STK32B: variants seen among roughly 807,000 people sequenced by gnomAD.
The protein encoded by STK32B is serine/threonine kinase 32B, also known as serine/threonine-protein kinase 32B.
STK32B carries 43 observed loss-of-function variants against 52.6 expected under a neutral mutation model. That is an observed-to-expected ratio of 0.82 (90% confidence interval 0.64 to 1.05). The LOEUF is 1.05. Among genes scored for constraint, STK32B ranks in the 50% least tolerant of loss-of-function variants. The pLI is 0.00. For synonymous variants in STK32B, 238 were observed against 204.3 expected (o/e 1.17, Z -1.41); for missense variants, 621 against 534.6 (o/e 1.16, Z -1.59).
At chr4:5,422,508 T>C (rs941871820) in intron 6 of STK32B, among the ~76,000 whole-genome samples, 5 of 152,090 alleles carry the variant, frequency 3.3e-5, no homozygotes, top group Admixed American at 3.3e-4. Flanking sequence ...CAGATGGAAT[T>C]TGCAATTGGA....
At chr4:5,122,369 T>TTCACTCACTTATTCATTCAC (rs1553828475) in intron 1 of STK32B, among the ~76,000 whole-genome samples, 2 of 47,538 alleles carry the variant, frequency 4.2e-5, no homozygotes, top group Non-Finnish European at 8.1e-5. Flanking sequence ...TGTTCACTCA[T>TTCACTCACTTATTCATTCAC]TCACTCATTC....
At chr4:5,283,117 A>G (rs1393790886) in intron 3 of STK32B, among the ~76,000 whole-genome samples, 3 of 152,078 alleles carry the variant, frequency 2.0e-5, no homozygotes, top group African/African-American at 7.2e-5. Flanking sequence ...ACCACTCTGT[A>G]CTTCTATAAA....
At chr4:5,495,168 T>C (rs1449389505) in intron 11 of STK32B, among the ~76,000 whole-genome samples, 1 of 152,196 alleles carries the variant, frequency 6.6e-6, no homozygotes, top group Non-Finnish European at 1.5e-5. Flanking sequence ...TCCTGCAGAG[T>C]GTTTTCCAAC....
chr4:5,334,818 G>A (rs1361490940), intron 4 of STK32B, among the ~76,000 whole-genome samples: 1 of 151,912 alleles, frequency 6.6e-6, no homozygotes. Flanking sequence ...TGCATCCTGG[G>A]GATGAAGCCC....
intron 11 of STK32B, among the ~76,000 whole-genome samples, chr4:5,495,776 G>A (rs1165357349): frequency 6.6e-6 from 1 of 152,178 alleles, no homozygotes; most frequent in Non-Finnish European, 1.5e-5. Flanking sequence ...CTTTCTGTTT[G>A]TTAGTTTTCC....
intron 4 of STK32B, among the ~76,000 whole-genome samples, chr4:5,334,771 G>T (rs1465810389): frequency 3.3e-5 from 5 of 151,682 alleles, no homozygotes; most frequent in African/African-American, 1.2e-4. Flanking sequence ...TTATATGCTG[G>T]ATTACATTTA....
chr4:5,165,415 G>C (rs1718789489), intron 2 of STK32B, among the ~76,000 whole-genome samples: 1 of 152,106 alleles, frequency 6.6e-6, no homozygotes, highest in African/African-American at 2.4e-5. Context: ...TGAGGTGAGA[G>C]CTGTCCCTTG....
intron 6 of STK32B, among the ~76,000 whole-genome samples, chr4:5,422,991 A>G (rs1712774016): frequency 6.6e-6 from 1 of 152,176 alleles, no homozygotes; most frequent in Non-Finnish European, 1.5e-5. Context: ...AGAACTTGGC[A>G]GCTCCATTGT....
chr4:5,459,282 GCC>G (rs55688341), intron 8 of STK32B, among the ~76,000 whole-genome samples: 2,233 of 133,100 alleles, frequency 0.017, 106 homozygotes, highest in African/African-American at 0.058. Flanking sequence ...ACCCTGGTGT[GCC>G]CCCCCCCCCC....
intron 3 of STK32B, among the ~76,000 whole-genome samples, chr4:5,276,855 G>A (rs1727857543): frequency 6.6e-6 from 1 of 152,010 alleles, no homozygotes; most frequent in African/African-American, 2.4e-5. Flanking sequence ...CTTGTTTTTT[G>A]CCTCAGCACT....
chr4:5,224,208 CA>C (rs1258243668), intron 3 of STK32B, among the ~76,000 whole-genome samples: 4 of 152,096 alleles, frequency 2.6e-5, no homozygotes, highest in African/African-American at 9.7e-5. Flanking sequence ...TTTGGAGTCC[CA>C]GGGGAGGAAT....
chr4:5,145,671 G>A (rs77176914), intron 2 of STK32B, among the ~76,000 whole-genome samples: 3,454 of 152,190 alleles, frequency 0.023, 133 homozygotes, highest in African/African-American at 0.077. Context: ...AGATTCATTT[G>A]TATTGCATTT....
At chr4:5,220,388 A>G (rs1723449128) in intron 3 of STK32B, among the ~76,000 whole-genome samples, 1 of 152,200 alleles carries the variant, frequency 6.6e-6, no homozygotes, top group African/African-American at 2.4e-5. Flanking sequence ...ATGAGTGCTA[A>G]GATAGAGAGT....
At chr4:5,064,980 C>A (rs996674835) in intron 1 of STK32B, among the ~76,000 whole-genome samples, 1 of 151,350 alleles carries the variant, frequency 6.6e-6, no homozygotes, top group Non-Finnish European at 1.5e-5. Context: ...CCAAGGTTGC[C>A]CCCTGCTTTT....
chr4:5,294,906 G>T (rs1471706819), intron 3 of STK32B, among the ~76,000 whole-genome samples: 2 of 151,974 alleles, frequency 1.3e-5, no homozygotes, highest in African/African-American at 4.8e-5. Context: ...ATTGGCTGTG[G>T]GTTTGTCATA....
At chr4:5,096,528 C>T (rs1713403270) in intron 1 of STK32B, among the ~76,000 whole-genome samples, 1 of 152,134 alleles carries the variant, frequency 6.6e-6, no homozygotes, top group Non-Finnish European at 1.5e-5. Context: ...CAATTAGACT[C>T]CCTCCTCCCA....
intron 5 of STK32B, among the ~76,000 whole-genome samples, chr4:5,411,788 GACT>G (rs1711712289): frequency 1.3e-5 from 2 of 152,158 alleles, no homozygotes; most frequent in Admixed American, 6.5e-5. Flanking sequence ...CCTGATCTCA[GACT>G]ACTGGACTTT....
intron 6 of STK32B, among the ~76,000 whole-genome samples, chr4:5,444,485 A>T (rs955826953): frequency 1.1e-4 from 17 of 152,116 alleles, no homozygotes; most frequent in African/African-American, 3.9e-4. Flanking sequence ...ACACCCACTG[A>T]CCTGCGCCCA....
intron 8 of STK32B, 57 bp downstream of exon 8, chr4:5,456,980 G>A: frequency 7.8e-7 from 1 of 1,278,568 alleles, no homozygotes; most frequent in Non-Finnish European, 1.1e-6. Flanking sequence ...TGTAGAAACA[G>A]CCATATCAGC....
Sources: gnomAD v4.1 joint callset for allele counts (sites outside exome capture counted in the v4.1 genomes callset) on GRCh38, gnomAD v4.1.1 for gene constraint, MANE v1.5 for transcripts, NCBI Gene and HGNC (gene_info 2026-07-23, HGNC 2026-07-21) for gene names.